LDB2: variants seen among roughly 807,000 people sequenced by gnomAD.
LDB2 encodes LIM domain binding 2.
In LDB2, 12 loss-of-function variants were observed where a neutral mutation model predicts 44.3. The observed-to-expected ratio is 0.27, with a 90% CI of 0.17 to 0.44. LDB2 has a LOEUF of 0.44. LDB2 is among the 20% of genes least tolerant of loss of function. The pLI, the probability that LDB2 is intolerant of heterozygous loss-of-function variation, is 1.00. For synonymous variants in LDB2, 164 were observed against 174.8 expected (o/e 0.94, Z 0.49); for missense variants, 344 against 473.5 (o/e 0.73, Z 2.54).
chr4:16,632,590 G>A (rs574110600), intron 2 of LDB2, among the ~76,000 whole-genome samples: 10 of 152,214 alleles, frequency 6.6e-5, no homozygotes, highest in East Asian at 3.9e-4. Flanking sequence ...AGGGCAATCC[G>A]GTAAGAGAAA....
intron 5 of LDB2, among the ~76,000 whole-genome samples, chr4:16,520,432 C>T (rs1393860940): frequency 3.3e-5 from 5 of 152,226 alleles, no homozygotes; most frequent in South Asian, 2.1e-4. Flanking sequence ...CCCTTAGAAG[C>T]GATGCAAGTC....
chr4:16,610,463 T>C (rs1725298608), intron 2 of LDB2, among the ~76,000 whole-genome samples: 1 of 152,010 alleles, frequency 6.6e-6, no homozygotes, highest in African/African-American at 2.4e-5. Flanking sequence ...GCTAAGAACT[T>C]TGATAAAAGG....
chr4:16,879,875 C>G (rs1719541920), intron 1 of LDB2, among the ~76,000 whole-genome samples: 1 of 152,164 alleles, frequency 6.6e-6, no homozygotes, highest in Admixed American at 6.5e-5. Context: ...GCCTCATTCA[C>G]ACTGCATTCT....
intron 3 of LDB2, among the ~76,000 whole-genome samples, chr4:16,594,072 T>A (rs998716115): frequency 1.2e-4 from 18 of 146,362 alleles, no homozygotes; most frequent in African/African-American, 4.3e-4. Context: ...GCAAAGTTTT[T>A]AATTTAATTA....
chr4:16,821,870 C>T (rs960314519), intron 1 of LDB2, among the ~76,000 whole-genome samples: 19 of 149,654 alleles, frequency 1.3e-4, no homozygotes, highest in African/African-American at 4.4e-4. Flanking sequence ...AAATAATGAA[C>T]GTGAGAGCTG....
intron 5 of LDB2, among the ~76,000 whole-genome samples, chr4:16,529,314 A>G (rs1443946118): frequency 1.3e-5 from 2 of 152,164 alleles, no homozygotes; most frequent in African/African-American, 4.8e-5. Flanking sequence ...TGAGCTGAAT[A>G]TGTGTCTGCC....
At chr4:16,755,246 A>G (rs1329469702) in intron 2 of LDB2, among the ~76,000 whole-genome samples, 1 of 152,168 alleles carries the variant, frequency 6.6e-6, no homozygotes, top group Non-Finnish European at 1.5e-5. Context: ...ATAGCAAGTG[A>G]TCAGCCTAAC....
chr4:16,554,540 G>A (rs72619117), intron 5 of LDB2, among the ~76,000 whole-genome samples: 2 of 152,054 alleles, frequency 1.3e-5, no homozygotes, highest in African/African-American at 4.8e-5. Flanking sequence ...GGAATCACCT[G>A]GGAAGCTTTA....
intron 1 of LDB2, among the ~76,000 whole-genome samples, chr4:16,849,058 G>A (rs568648552): frequency 6.6e-6 from 1 of 152,036 alleles, no homozygotes; most frequent in East Asian, 1.9e-4. Context: ...TCCTTTCCCC[G>A]ATCTACAAAG....
chr4:16,542,557 G>A (rs1734208685), intron 5 of LDB2, among the ~76,000 whole-genome samples: 1 of 152,140 alleles, frequency 6.6e-6, no homozygotes. Flanking sequence ...AGAAGCAGAG[G>A]CTAGATGATG....
At chr4:16,694,819 A>G (rs994608832) in intron 2 of LDB2, among the ~76,000 whole-genome samples, 4 of 152,240 alleles carry the variant, frequency 2.6e-5, no homozygotes, top group African/African-American at 7.2e-5. Context: ...TTTAAAGTGC[A>G]GACGCAGGTA....
In LDB2 at chr4:16,834,693, G is replaced by A. The variant is rs143818261; in HGVS notation, c.132+63661C>T. Among the ~76,000 whole-genome samples, 1,427 of 152,252 alleles carry A rather than the reference G, an allele frequency of 9.4e-3. 25 individuals are homozygous for A. The highest frequency in any genetic ancestry group is 0.033 in the African/African-American group (1,361 of 41,532). On this transcript the variant is annotated intron_variant, in intron 1 of 7. Transcript: ENST00000304523. ...AAGACAAAAATTAGCTGGGCATGGT[G>A]GTGTGTGCGTGTAATCCCCTCTACT...
At chr4:16,669,049 G>C (rs1426558949) in intron 2 of LDB2, among the ~76,000 whole-genome samples, 1 of 152,220 alleles carries the variant, frequency 6.6e-6, no homozygotes, top group Non-Finnish European at 1.5e-5. Context: ...ATAAGCTTAG[G>C]TGGTGCTCAG....
chr4:16,632,813 A>G (rs1374756732), intron 2 of LDB2, among the ~76,000 whole-genome samples: 1 of 152,186 alleles, frequency 6.6e-6, no homozygotes, highest in African/African-American at 2.4e-5. Flanking sequence ...ATGTGGAGAA[A>G]TAGGAACACT....
intron 5 of LDB2, among the ~76,000 whole-genome samples, chr4:16,544,701 GA>G (rs2152333174): frequency 6.6e-6 from 1 of 152,254 alleles, no homozygotes; most frequent in East Asian, 1.9e-4. Context: ...GAGTGTGCAG[GA>G]AAAGCCAGTT....
chr4:16,604,716 T>G (rs1209937419), intron 2 of LDB2, among the ~76,000 whole-genome samples: 1 of 152,040 alleles, frequency 6.6e-6, no homozygotes, highest in Non-Finnish European at 1.5e-5. Flanking sequence ...ATTCCTTGGT[T>G]TTATGACTTT....
chr4:16,821,610 C>G (rs1373422057), intron 1 of LDB2, among the ~76,000 whole-genome samples: 3 of 150,788 alleles, frequency 2.0e-5, no homozygotes, highest in African/African-American at 7.3e-5. Flanking sequence ...AGGATGGTCT[C>G]AATCTCCTAA....
At chr4:16,553,908 A>G (rs1370316018) in intron 5 of LDB2, among the ~76,000 whole-genome samples, 4 of 152,160 alleles carry the variant, frequency 2.6e-5, no homozygotes, top group Admixed American at 6.5e-5. Flanking sequence ...CTGGCCAAGT[A>G]GGAATTCATG....
intron 2 of LDB2, among the ~76,000 whole-genome samples, chr4:16,630,333 A>C (rs935443612): frequency 1.3e-5 from 2 of 152,318 alleles, no homozygotes; most frequent in African/African-American, 4.8e-5. Context: ...TATCCAGCCA[A>C]ACTAAGCTTC....
Sources: gnomAD v4.1 joint callset for allele counts (sites outside exome capture counted in the v4.1 genomes callset) on GRCh38, gnomAD v4.1.1 for gene constraint, MANE v1.5 for transcripts, NCBI Gene and HGNC (gene_info 2026-07-23, HGNC 2026-07-21) for gene names.